Variants in PALLD observed in about 807,000 individuals in gnomAD.
PALLD encodes palladin.
Under a neutral mutation model 123.5 loss-of-function variants are expected in PALLD, and 61 were observed. The observed-to-expected ratio is 0.49, with a 90% CI of 0.40 to 0.61. The LOEUF is 0.61. Ranked by LOEUF, PALLD falls within the 20% of genes least tolerant of loss-of-function variation. PALLD has a pLI of 0.00. For missense variants in PALLD, 1,273 were observed against 1,377.0 expected (o/e 0.92, Z 1.20); for synonymous variants, 465 against 496.4 (o/e 0.94, Z 0.84).
At chr4:168,607,377 G>C (rs1181663337) in intron 2 of PALLD, among the ~76,000 whole-genome samples, 1 of 152,120 alleles carries the variant, frequency 6.6e-6, no homozygotes, top group Non-Finnish European at 1.5e-5. Flanking sequence ...AGTGACCGGA[G>C]GTGTAACTGA....
chr4:168,503,647 A>C (rs1322893926), intron 1 of PALLD, among the ~76,000 whole-genome samples: 1 of 48,844 alleles, frequency 2.0e-5, no homozygotes, highest in African/African-American at 1.9e-4. Flanking sequence ...ACTCCATCTC[A>C]AAAAAAAAAA....
chr4:168,541,537 G>A (rs1048386528), intron 2 of PALLD, among the ~76,000 whole-genome samples: 4 of 151,904 alleles, frequency 2.6e-5, no homozygotes, highest in Admixed American at 2.6e-4. Context: ...GCAGTGGCAT[G>A]AGGCCCAGGT....
chr4:168,770,218 G>A (rs1471373448), intron 10 of PALLD, among the ~76,000 whole-genome samples: 5 of 152,192 alleles, frequency 3.3e-5, no homozygotes, highest in Non-Finnish European at 5.9e-5. Context: ...GTAATATTCA[G>A]ACTTGGAGTA....
At chr4:168,504,355 G>A (rs1002241215) in intron 1 of PALLD, among the ~76,000 whole-genome samples, 3 of 152,152 alleles carry the variant, frequency 2.0e-5, no homozygotes, top group African/African-American at 4.8e-5. Flanking sequence ...CAGCATTTTG[G>A]GAGGCTAAGG....
intron 10 of PALLD, among the ~76,000 whole-genome samples, chr4:168,867,341 A>C (rs897422049): frequency 1.3e-5 from 2 of 152,092 alleles, no homozygotes; most frequent in African/African-American, 4.8e-5. Context: ...ATTATTTGGA[A>C]AAGGCCTCCC....
chr4:168,681,464 A>T, intron 4 of PALLD, 66 bp downstream of exon 4: 1 of 1,036,436 alleles, frequency 9.6e-7, no homozygotes, highest in Non-Finnish European at 1.5e-6. Context: ...TTGGGGTATG[A>T]AACCATGTTT....
At chr4:168,871,861 T>G (rs1751120965) in intron 10 of PALLD, among the ~76,000 whole-genome samples, 1 of 152,216 alleles carries the variant, frequency 6.6e-6, no homozygotes, top group Admixed American at 6.5e-5. Flanking sequence ...CTACAAATCC[T>G]GCTCTTCTGG....
At position 168,685,512 on chromosome 4, in the gene PALLD, C is replaced by T; in HGVS notation, c.1288C>T (p.Arg430Ter). The T allele has an allele frequency of 1.2e-6, 2 of 1,612,296 alleles. No individual in the cohort carries two copies. The highest frequency in any genetic ancestry group is 1.7e-6 in the Non-Finnish European group (2 of 1,178,402). The change falls in exon 6 of 22, where the codon CGA becomes TGA. Residue 430 changes from arginine (R) to a stop codon, truncating the protein, a stop_gained. Coordinates refer to ENST00000505667, the MANE Select transcript of PALLD (RefSeq NM_001166108.2). LOFTEE classifies it high-confidence loss of function. ...TCACAGTCCAACTTCATATCTCTGCCGACCTGATGGAACCACTACTGCCTA... is the reference window on the plus strand; with the variant it reads ...TCACAGTCCAACTTCATATCTCTGCTGACCTGATGGAACCACTACTGCCTA... The part of the protein sequence containing the change: ...QVHSPTSYLC[R>*]PDGTTTAYFP...
chr4:168,905,593 T>C (rs1359409288), intron 15 of PALLD, among the ~76,000 whole-genome samples: 1 of 152,120 alleles, frequency 6.6e-6, no homozygotes, highest in Non-Finnish European at 1.5e-5. Flanking sequence ...CAGGTTGTGA[T>C]AGAGCACAGC....
chr4:168,924,839 C>A, intron 19 of PALLD, 106 bp from the exon 20 acceptor site: 2 of 1,110,634 alleles, frequency 1.8e-6, no homozygotes, highest in Admixed American at 1.8e-5. Flanking sequence ...CTATTATCAG[C>A]TACTTGCACA....
chr4:168,551,400 G>C (rs1257454990), intron 2 of PALLD, among the ~76,000 whole-genome samples: 5 of 152,064 alleles, frequency 3.3e-5, no homozygotes, highest in Non-Finnish European at 7.4e-5. Context: ...AGGATTCCAG[G>C]AGTATACTTC....
chr4:168,793,830 A>T (rs890946900), intron 10 of PALLD, among the ~76,000 whole-genome samples: 2 of 152,160 alleles, frequency 1.3e-5, no homozygotes, highest in Non-Finnish European at 2.9e-5. Flanking sequence ...TAGCTTTCAG[A>T]TAGAAGTCTT....
At chr4:168,803,413 G>T (rs1402222635) in intron 10 of PALLD, among the ~76,000 whole-genome samples, 1 of 152,040 alleles carries the variant, frequency 6.6e-6, no homozygotes, top group Non-Finnish European at 1.5e-5. Context: ...TAAAATAAAA[G>T]TTGAAAAAAA....
intron 1 of PALLD, among the ~76,000 whole-genome samples, chr4:168,502,555 C>T (rs557408221): frequency 6.6e-6 from 1 of 151,946 alleles, no homozygotes; most frequent in Non-Finnish European, 1.5e-5. Context: ...AAACAGAGCC[C>T]GGGACACAAG....
At chr4:168,671,222 C>T (rs1780238380) in intron 3 of PALLD, among the ~76,000 whole-genome samples, 2 of 152,310 alleles carry the variant, frequency 1.3e-5, no homozygotes, top group Admixed American at 6.5e-5. Flanking sequence ...CCCAAACTCT[C>T]ACCATACTGA....
intron 2 of PALLD, among the ~76,000 whole-genome samples, chr4:168,601,630 A>C (rs1213948250): frequency 6.6e-6 from 1 of 152,158 alleles, no homozygotes; most frequent in African/African-American, 2.4e-5. Flanking sequence ...AAAGAATAAA[A>C]ATAAGTTGTC....
chr4:168,761,666 T>TTTTG (rs1732942704), intron 10 of PALLD, among the ~76,000 whole-genome samples: 1 of 84,474 alleles, frequency 1.2e-5, no homozygotes, highest in Non-Finnish European at 2.7e-5. Flanking sequence ...TTTTTTTTTT[T>TTTTG]TTTTTTTTTT....
intron 2 of PALLD, among the ~76,000 whole-genome samples, chr4:168,516,253 T>C (rs1267743419): frequency 6.6e-6 from 1 of 152,142 alleles, no homozygotes; most frequent in Non-Finnish European, 1.5e-5. Flanking sequence ...TGAAATCAAG[T>C]CAGAATTCAT....
intron 10 of PALLD, among the ~76,000 whole-genome samples, chr4:168,875,476 T>C (rs1224910795): frequency 1.3e-5 from 2 of 152,192 alleles, no homozygotes; most frequent in Admixed American, 6.5e-5. Context: ...AGTCAGACAC[T>C]TTAAAATTCG....
Sources: allele counts gnomAD v4.1 joint callset (sites outside exome capture counted in the v4.1 genomes callset), GRCh38; gene constraint gnomAD v4.1.1; transcripts MANE v1.5; gene names NCBI Gene and HGNC (gene_info 2026-07-23, HGNC 2026-07-21).